RBFOX1: variants seen among roughly 807,000 people sequenced by gnomAD.
RBFOX1 encodes the protein RNA binding protein fox-1 homolog 1.
Under a neutral mutation model 57.7 loss-of-function variants are expected in RBFOX1, and 8 were observed. The ratio of observed to expected loss-of-function variants is 0.14; its 90% CI spans 0.08 to 0.25. The LOEUF is 0.25. Among genes scored for constraint, RBFOX1 ranks in the 10% least tolerant of loss-of-function variants. RBFOX1 has a pLI of 1.00. For missense variants in RBFOX1, 611 were observed against 548.5 expected, an observed-to-expected ratio of 1.11 and a Z score of -1.14; for synonymous variants, 326 against 222.4, an observed-to-expected ratio of 1.47 and a Z score of -4.15.
rs1217341342 is a variant in RBFOX1 at position 5,596,631 on chromosome 16, C to G, written c.259-2271C>G. The stretch of plus-strand genomic sequence containing the variant: ...CCAGGGCATCTAGTAACACTTGGGT[C>G]TTGTCACTGGGTTGAAATCTGCTAT... On this transcript the variant is annotated intron_variant, in intron 2 of 2. Coordinates refer to the RBFOX1 transcript ENST00000585867. 2.0e-5 allele frequency among the ~76,000 whole-genome samples: 3 copies of G among 152,188 alleles called. 1 individual carries two copies. The highest frequency in any genetic ancestry group is 4.1e-4 in the South Asian group (2 of 4,834).
intron 4 of RBFOX1, among the ~76,000 whole-genome samples, chr16:7,451,055 C>G (rs537133791): frequency 6.6e-6 from 1 of 152,156 alleles, no homozygotes; most frequent in South Asian, 2.1e-4. Context: ...GCTGGGAGTC[C>G]CTGAGTGACA....
chr16:6,370,362 GAAAAAAAAAAAAAAAAAA>G (rs71145221), intron 2 of RBFOX1, among the ~76,000 whole-genome samples: 1 of 81,976 alleles, frequency 1.2e-5, no homozygotes, highest in Non-Finnish European at 2.2e-5. Context: ...CGTCTCAAAA[GAAAAAAAAAAAAAAAAAA>G]AAAAAAAAAA....
intron 2 of RBFOX1, among the ~76,000 whole-genome samples, chr16:6,502,992 T>A (rs773836172): frequency 1.2e-4 from 18 of 152,164 alleles, no homozygotes; most frequent in Non-Finnish European, 2.2e-4. Context: ...AGCTGAGATA[T>A]TAATGTATAG....
At chr16:5,818,506 G>C (rs907072232) in intron 3 of RBFOX1, among the ~76,000 whole-genome samples, 1 of 152,156 alleles carries the variant, frequency 6.6e-6, no homozygotes, top group Admixed American at 6.5e-5. Flanking sequence ...TACTGTGCTA[G>C]GCTCACCTTC....
intron 1 of RBFOX1, among the ~76,000 whole-genome samples, chr16:5,395,805 A>G (rs918301138): frequency 2.0e-5 from 3 of 152,248 alleles, no homozygotes; most frequent in Non-Finnish European, 2.9e-5. Flanking sequence ...TCTGTGGAGT[A>G]TGCGGCCATT....
chr16:7,291,867 A>G (rs980060704), intron 4 of RBFOX1, among the ~76,000 whole-genome samples: 2 of 146,780 alleles, frequency 1.4e-5, no homozygotes, highest in African/African-American at 5.0e-5. Context: ...AGCCATTACT[A>G]TATTACTATA....
chr16:7,328,176 G>C (rs1045620342), intron 4 of RBFOX1, among the ~76,000 whole-genome samples: 1 of 152,078 alleles, frequency 6.6e-6, no homozygotes, highest in African/African-American at 2.4e-5. Context: ...GCTTATGTTA[G>C]CTGTTAAGAT....
At chr16:7,647,213 G>C (rs1003908913) in intron 11 of RBFOX1, among the ~76,000 whole-genome samples, 1 of 152,170 alleles carries the variant, frequency 6.6e-6, no homozygotes, top group African/African-American at 2.4e-5. Flanking sequence ...TCTAGCTGAA[G>C]GGTGAGAGTG....
chr16:6,245,669 C>T lies in RBFOX1; in HGVS notation c.-126-71326C>T, dbSNP rs189436966. On this transcript the variant is annotated intron_variant, in intron 1 of 15. Coordinates refer to ENST00000550418, the MANE Select transcript of RBFOX1 (RefSeq NM_018723.4). ...TATGCACTCTTGATGATTCTCTTAA[C>T]AACTCTTAGTGGTGTTAGAATTCTT... Among the ~76,000 whole-genome samples, 86 of 152,280 alleles carry T rather than the reference C, an allele frequency of 5.6e-4. 1 individual carries two copies. Among genetic ancestry groups the T allele is most frequent in the South Asian group, 4.8e-3 (23 of 4,822 alleles).
chr16:6,539,294 T>C (rs1157426956), intron 2 of RBFOX1, among the ~76,000 whole-genome samples: 1 of 152,172 alleles, frequency 6.6e-6, no homozygotes, highest in East Asian at 1.9e-4. Flanking sequence ...CTTGTGCCTC[T>C]GTTTTCCCAA....
At chr16:5,304,995 T>G (rs1299743851) in intron 1 of RBFOX1, among the ~76,000 whole-genome samples, 1 of 152,234 alleles carries the variant, frequency 6.6e-6, no homozygotes, top group Non-Finnish European at 1.5e-5. Flanking sequence ...TGTCTTTTGC[T>G]TATTGCCTTG....
At chr16:5,815,057 C>G (rs762732344) in intron 3 of RBFOX1, among the ~76,000 whole-genome samples, 1 of 151,758 alleles carries the variant, frequency 6.6e-6, no homozygotes, top group Non-Finnish European at 1.5e-5. Context: ...GATTCTAGCT[C>G]ACCGCAGCCC....
intron 3 of RBFOX1, among the ~76,000 whole-genome samples, chr16:5,778,886 C>T (rs1452753442): frequency 1.3e-5 from 2 of 152,138 alleles, no homozygotes; most frequent in African/African-American, 4.8e-5. Flanking sequence ...GATATGATTC[C>T]TGTAAAAGTA....
At chr16:7,460,639 G>A (rs987645897) in intron 4 of RBFOX1, among the ~76,000 whole-genome samples, 5 of 151,270 alleles carry the variant, frequency 3.3e-5, no homozygotes, top group African/African-American at 1.2e-4. Context: ...TCTGAGTGAT[G>A]AAATAATCTG....
intron 4 of RBFOX1, among the ~76,000 whole-genome samples, chr16:5,916,615 G>A (rs985780381): frequency 6.6e-6 from 1 of 152,058 alleles, no homozygotes; most frequent in African/African-American, 2.4e-5. Flanking sequence ...CTAATTTCAG[G>A]GGAAGCAGGA....
chr16:5,505,376 C>T (rs949097955), intron 2 of RBFOX1, among the ~76,000 whole-genome samples: 2 of 152,154 alleles, frequency 1.3e-5, no homozygotes, highest in Non-Finnish European at 2.9e-5. Flanking sequence ...CCTAGAATCC[C>T]AGAGTTTGTT....
intron 3 of RBFOX1, among the ~76,000 whole-genome samples, chr16:6,962,436 T>A (rs1191974866): frequency 1.3e-5 from 2 of 152,184 alleles, no homozygotes; most frequent in African/African-American, 2.4e-5. Context: ...CAACTTTTTC[T>A]GTTACATATA....
At chr16:6,607,431 T>TCG (rs2097951586) in intron 2 of RBFOX1, among the ~76,000 whole-genome samples, 1 of 149,996 alleles carries the variant, frequency 6.7e-6, no homozygotes, top group South Asian at 2.1e-4. Context: ...TCTCTCTCTC[T>TCG]CTCTCGCTCT....
intron 3 of RBFOX1, among the ~76,000 whole-genome samples, chr16:6,760,755 C>A (rs1434750777): frequency 1.3e-5 from 2 of 152,160 alleles, no homozygotes; most frequent in Non-Finnish European, 2.9e-5. Flanking sequence ...AGCCTTGGTG[C>A]AAGATGCAGA....
Sources: gnomAD v4.1 joint callset for allele counts (sites outside exome capture counted in the v4.1 genomes callset) on GRCh38, gnomAD v4.1.1 for gene constraint, MANE v1.5 for transcripts, NCBI Gene and HGNC (gene_info 2026-07-23, HGNC 2026-07-21) for gene names.